PIGB: variants seen among roughly 807,000 people sequenced by gnomAD.
PIGB encodes GPI alpha-1,2-mannosyltransferase 3.
A neutral mutation model predicts 68.4 loss-of-function variants in PIGB; 58 were observed. The ratio of observed to expected loss-of-function variants is 0.85; its 90% CI spans 0.69 to 1.06. The LOEUF is 1.06. PIGB is among the 50% of genes least tolerant of loss of function. The pLI, the probability that PIGB is intolerant of heterozygous loss-of-function variation, is 0.00. For synonymous variants in PIGB, 219 were observed against 220.5 expected (o/e 0.99, Z 0.06); for missense variants, 634 against 655.8 (o/e 0.97, Z 0.36).
rs1350505025 is a variant in PIGB at position 55,319,311 on chromosome 15, T to C, written c.61T>C (p.Leu21=). Residue 21 remains leucine (L), a synonymous_variant, in exon 1 of 12, where the codon TTG becomes CTG. Coordinates refer to ENST00000164305, the MANE Select transcript of PIGB (RefSeq NM_004855.5). The part of the protein sequence containing the change: ...EPGGGDASLT[L]HGLQNRSHGK... Reference sequence around the variant, plus strand: ...GGGGGGCGGAGATGCCAGCCTCACTTTGCATGGTCTCCAGAACCGCTCCCA... The same window carrying C: ...GGGGGGCGGAGATGCCAGCCTCACTCTGCATGGTCTCCAGAACCGCTCCCA... 1 of 1,601,208 alleles carries C rather than the reference T, an allele frequency of 6.2e-7. No homozygotes were observed. Among genetic ancestry groups the C allele is most frequent in the Non-Finnish European group, 8.5e-7 (1 of 1,174,368 alleles).
In PIGB at chr15:55,355,359, G is replaced by A; in HGVS notation, c.1592G>A (p.Gly531Asp). ...AVFFHTHLPE[G>D]RIGSHIYVYE... ...TTCTTCCACACTCACTTGCCAGAGG[G>A]TCGAATTGGAAGTCACATATATGTC... The change falls in exon 12 of 12, where the codon GGT (glycine) becomes GAT (aspartate). Residue 531 changes from glycine to aspartate, a missense_variant. By Grantham distance (94) the Gly-to-Asp change is moderately conservative (BLOSUM62 -1). Transcript: ENST00000164305. 1 of 1,611,614 alleles carries A rather than the reference G, an allele frequency of 6.2e-7. No homozygotes were observed. The highest frequency in any genetic ancestry group is 8.5e-7 in the Non-Finnish European group (1 of 1,177,924).
In PIGB at chr15:55,355,320, A is replaced by G; in HGVS notation, c.1553A>G (p.Lys518Arg). The change falls in exon 12 of 12, where the codon AAA (lysine) becomes AGA (arginine). Residue 518 changes from lysine (K) to arginine (R), a missense_variant. By Grantham distance (26) the Lys-to-Arg change is conservative (BLOSUM62 2). Transcript: ENST00000164305. ...GCTTTCCTAATTTCAAGCAATTATA[A>G]AAGAACTGCTGTTTTCTTCCACACT... The part of the protein sequence containing the change: ...ISAFLISSNY[K>R]RTAVFFHTHL... 6.2e-7 allele frequency: 1 copy of G among 1,610,848 alleles called. No individual in the cohort carries two copies. Among genetic ancestry groups the G allele is most frequent in the South Asian group, 1.1e-5 (1 of 90,756 alleles).
chr15:55,352,138 G>A (rs573260305), intron 10 of PIGB, among the ~76,000 whole-genome samples: 6 of 151,826 alleles, frequency 4.0e-5, no homozygotes, highest in Non-Finnish European at 7.4e-5. Context: ...ATTGGAGACA[G>A]GGTTTCTCCA....
At position 55,355,502 on chromosome 15, in the gene PIGB, TGG is replaced by T; in HGVS notation, c.*72_*73del. On this transcript the variant is annotated 3_prime_UTR_variant, in exon 12 of 12. Transcript: ENST00000164305. The stretch of plus-strand genomic sequence containing the variant: ...GCTGCTTAAATACTTCGGTAAACAC[TGG>T]GTAAGATTCATGGAACTTAGAAAAA... 1 of 1,253,072 alleles carries T rather than the reference TGG, an allele frequency of 8.0e-7. No homozygotes were observed. Among genetic ancestry groups the T allele is most frequent in the Non-Finnish European group, 1.1e-6 (1 of 894,220 alleles). The allele number at this position is 1,253,072 out of a possible 1,614,324, so 77.6% of individuals were successfully genotyped here. A position where few individuals can be genotyped will look rare whatever the true frequency, so the allele number is the denominator to read the frequency against.
chr15:55,333,731 C>CAA lies in PIGB; in HGVS notation c.654-134_654-133dup, dbSNP rs199688040. 7.6e-5 allele frequency: 45 copies of CAA among 592,878 alleles called. 1 individual carries two copies. The highest frequency in any genetic ancestry group is 6.0e-4 in the East Asian group (18 of 30,096). The allele number at this position is 592,878 out of a possible 1,614,324, so 36.7% of individuals were successfully genotyped here. ...TGGGTGACAGAGTGAGACTCTGTCT[C>CAA]AAACAAAACAAAACAAAACAAAAAA... is the stretch of plus-strand genomic sequence containing the variant. On this transcript the variant is annotated intron_variant, in intron 5 of 11. Transcript: ENST00000164305.
rs1167931877 is a variant in PIGB, at chr15:55,354,955, A to T, written c.1495A>T (p.Ile499Phe). The T allele has an allele frequency of 6.2e-7, 1 of 1,612,428 alleles. No individual in the cohort carries two copies. Among genetic ancestry groups the T allele is most frequent in the South Asian group, 1.1e-5 (1 of 90,654 alleles). ...TGATGCATCATTGCCTACTCACTTG[A>T]TCACCTTCAGCATTTTGGAAGAGGT... ...HDDASLPTHL[I>F]TFSILEEEIS... The change falls in exon 11 of 12, where the codon ATC becomes TTC. Residue 499 changes from isoleucine (I) to phenylalanine (F), a missense_variant. Coordinates refer to ENST00000164305, the MANE Select transcript of PIGB (RefSeq NM_004855.5).
At chr15:55,335,508 GAGAC>G (rs2055514631) in intron 6 of PIGB, among the ~76,000 whole-genome samples, 1 of 152,196 alleles carries the variant, frequency 6.6e-6, no homozygotes, top group Admixed American at 6.5e-5. Context: ...CTAGTAGGGA[GAGAC>G]AGACAGCTAA....
intron 9 of PIGB, among the ~76,000 whole-genome samples, chr15:55,349,039 C>T (rs1029474903): frequency 1.3e-5 from 2 of 149,516 alleles, no homozygotes; most frequent in Non-Finnish European, 3.0e-5. Context: ...TCTGACACCA[C>T]GCCCGGCTAA....
chr15:55,331,996 G>A (rs1376156480), intron 5 of PIGB, among the ~76,000 whole-genome samples: 6 of 147,610 alleles, frequency 4.1e-5, no homozygotes, highest in Non-Finnish European at 8.9e-5. Flanking sequence ...TTTTTTTTTC[G>A]AGACAGTGTC....
At chr15:55,341,314 T>C (rs923534295) in intron 8 of PIGB, among the ~76,000 whole-genome samples, 1 of 152,204 alleles carries the variant, frequency 6.6e-6, no homozygotes, top group African/African-American at 2.4e-5. Context: ...TGAGCTATGA[T>C]TGTGCTACTG....
intron 9 of PIGB, among the ~76,000 whole-genome samples, chr15:55,346,043 A>C (rs1363943303): frequency 1.3e-5 from 2 of 152,216 alleles, no homozygotes; most frequent in Non-Finnish European, 2.9e-5. Context: ...GGATGGAATC[A>C]GCAATGTACA....
Position 55,330,516 on chromosome 15 carries a change from CATT to C in PIGB, c.653+663_653+665del, listed in dbSNP as rs145168441. ...AAGGCATAGAACTGTAAATGGGCTC[CATT>C]TACAGTTACAGTTACAGTATATTCA... On this transcript the variant is annotated intron_variant, in intron 5 of 11. Transcript: ENST00000164305. Among the ~76,000 whole-genome samples the C allele has an allele frequency of 9.5e-3, 1,442 of 152,166 alleles. 16 individuals carry two copies. The highest frequency in any genetic ancestry group is 0.033 in the African/African-American group (1,366 of 41,510).
At chr15:55,340,163 T>G (rs1200694108) in intron 7 of PIGB, 1 of 152,412 alleles carries the variant, frequency 6.6e-6, no homozygotes, top group East Asian at 1.9e-4. Context: ...CAGTCATTAA[T>G]TAAAATTATT....
chr15:55,354,357 G>A (rs1172358970), intron 10 of PIGB, among the ~76,000 whole-genome samples: 1 of 151,658 alleles, frequency 6.6e-6, no homozygotes, highest in African/African-American at 2.4e-5. Flanking sequence ...TCCCCTATCA[G>A]AGCAGAAAGG....
At chr15:55,321,188 A>C in intron 2 of PIGB, 85 bp from the exon 3 acceptor site, 17 of 1,259,656 alleles carry the variant, frequency 1.3e-5, no homozygotes, top group East Asian at 5.4e-5. Context: ...AGCCTGGGCA[A>C]GAGAGTGAGA....
Position 55,350,742 on chromosome 15 carries a change from A to G in PIGB, c.1167A>G (p.Leu389=). The G allele has an allele frequency of 6.2e-7, 1 of 1,613,678 alleles. No homozygotes were observed. The change falls in exon 10 of 12, where the codon CTA becomes CTG. Residue 389 remains leucine (L), a synonymous_variant. Coordinates refer to ENST00000164305, the MANE Select transcript of PIGB (RefSeq NM_004855.5). ...TGAAAACATGGAAGAAACCAGCTCT[A>G]AGTTTCCTGTTTTTATCAAATTTGT... The part of the protein sequence containing the change: ...THLKTWKKPA[L]SFLFLSNLFL...
chr15:55,347,644 A>G (rs2055824954), intron 9 of PIGB, among the ~76,000 whole-genome samples: 1 of 152,098 alleles, frequency 6.6e-6, no homozygotes, highest in South Asian at 2.1e-4. Flanking sequence ...CCCCAAGAAA[A>G]CTAAGCTATC....
intron 3 of PIGB, among the ~76,000 whole-genome samples, chr15:55,327,192 G>A (rs1189018436): frequency 6.8e-6 from 1 of 146,184 alleles, no homozygotes; most frequent in Non-Finnish European, 1.5e-5. Context: ...CAGAGAATGA[G>A]ACTGGTAAAT....
intron 4 of PIGB, among the ~76,000 whole-genome samples, 190 bp from the exon 5 acceptor site, chr15:55,329,534 C>A (rs1331799525): frequency 6.6e-6 from 1 of 152,174 alleles, no homozygotes; most frequent in Non-Finnish European, 1.5e-5. Flanking sequence ...TATAGATCTG[C>A]TATTATCATA....
Sources: gnomAD v4.1 joint callset for allele counts (sites outside exome capture counted in the v4.1 genomes callset) on GRCh38, gnomAD v4.1.1 for gene constraint, MANE v1.5 for transcripts, NCBI Gene and HGNC (gene_info 2026-07-23, HGNC 2026-07-21) for gene names.